SLC39A11: variants seen among roughly 807,000 people sequenced by gnomAD.
SLC39A11 encodes the protein solute carrier family 39 member 11, also known as zinc transporter ZIP11.
A neutral mutation model predicts 36.1 loss-of-function variants in SLC39A11; 33 were observed. That is an observed-to-expected ratio of 0.91 (90% CI 0.69 to 1.22). The LOEUF (loss-of-function observed/expected upper bound fraction) is 1.22. SLC39A11 is among the 50% of genes most tolerant of loss of function. SLC39A11 has a pLI of 0.00. For missense variants in SLC39A11, 432 were observed against 430.3 expected (o/e 1.00, Z -0.03); for synonymous variants, 166 against 170.3 (o/e 0.97, Z 0.20).
intron 6 of SLC39A11, among the ~76,000 whole-genome samples, chr17:72,795,768 C>A (rs1003280672): frequency 2.0e-4 from 30 of 152,218 alleles, no homozygotes; most frequent in African/African-American, 7.2e-4. Context: ...GTCACAGAGG[C>A]AATTAACCAA....
intron 4 of SLC39A11, among the ~76,000 whole-genome samples, chr17:72,970,356 C>T (rs569257741): frequency 4.6e-5 from 7 of 152,184 alleles, no homozygotes; most frequent in African/African-American, 7.2e-5. Context: ...TTATGTGAGC[C>T]GGGAAGCAAG....
intron 7 of SLC39A11, among the ~76,000 whole-genome samples, chr17:72,721,227 G>T (rs2073663858): frequency 6.6e-6 from 1 of 152,072 alleles, no homozygotes; most frequent in Non-Finnish European, 1.5e-5. Flanking sequence ...CTCCTGAGTA[G>T]GTGGGATTAC....
intron 3 of SLC39A11, among the ~76,000 whole-genome samples, chr17:73,079,504 T>G (rs1218803338): frequency 1.3e-5 from 2 of 152,118 alleles, no homozygotes; most frequent in Non-Finnish European, 2.9e-5. Context: ...CTTAAGGTAA[T>G]AAAAGTCATC....
chr17:73,084,876 C>T (rs2060668461), intron 2 of SLC39A11, 30 bp from the exon 3 acceptor site: 1 of 1,612,434 alleles, frequency 6.2e-7, no homozygotes, highest in Admixed American at 1.7e-5. Flanking sequence ...GTTTCAGTTT[C>T]CAAGAGACAA....
intron 7 of SLC39A11, among the ~76,000 whole-genome samples, chr17:72,690,543 G>C (rs1467175835): frequency 2.0e-5 from 3 of 152,184 alleles, no homozygotes; most frequent in Non-Finnish European, 4.4e-5. Flanking sequence ...ATCACCAAAA[G>C]GTGGAAACCA....
chr17:73,077,674 C>A (rs1393816089), intron 3 of SLC39A11, among the ~76,000 whole-genome samples: 2 of 152,180 alleles, frequency 1.3e-5, no homozygotes, highest in African/African-American at 4.8e-5. Flanking sequence ...GATAAATACA[C>A]ACACATAATC....
At chr17:73,070,690 G>A (rs931833769) in intron 3 of SLC39A11, among the ~76,000 whole-genome samples, 15 of 152,202 alleles carry the variant, frequency 9.9e-5, no homozygotes, top group Admixed American at 2.6e-4. Flanking sequence ...GGAGGGACCC[G>A]GTGGGAGGTA....
chr17:72,811,995 A>G (rs140398305), intron 6 of SLC39A11, among the ~76,000 whole-genome samples: 4 of 152,352 alleles, frequency 2.6e-5, no homozygotes, highest in African/African-American at 9.6e-5. Context: ...AAAAAATCCT[A>G]TCAGCAAAGC....
intron 5 of SLC39A11, among the ~76,000 whole-genome samples, chr17:72,906,320 A>G (rs1014501583): frequency 6.6e-6 from 1 of 152,264 alleles, no homozygotes; most frequent in African/African-American, 2.4e-5. Flanking sequence ...CCAGGAAGCC[A>G]GGCCAAGGAG....
chr17:72,916,402 T>C (rs1396100464), intron 5 of SLC39A11, among the ~76,000 whole-genome samples: 1 of 148,800 alleles, frequency 6.7e-6, no homozygotes, highest in African/African-American at 2.4e-5. Context: ...CAGCTGGGAG[T>C]CCTCAGGGCC....
chr17:72,722,233 C>T (rs575272088), intron 7 of SLC39A11, among the ~76,000 whole-genome samples: 3 of 152,124 alleles, frequency 2.0e-5, no homozygotes, highest in Non-Finnish European at 4.4e-5. Flanking sequence ...ACTCCCCTTC[C>T]CTCCCTGCCC....
intron 3 of SLC39A11, among the ~76,000 whole-genome samples, chr17:73,064,460 G>C (rs1399730991): frequency 1.3e-5 from 2 of 152,152 alleles, no homozygotes; most frequent in Non-Finnish European, 2.9e-5. Flanking sequence ...AGTCTCTGTG[G>C]AGCCTTGAGA....
chr17:73,012,661 C>G lies in SLC39A11; in HGVS notation c.306+18895G>C, dbSNP rs137950911. On this transcript the variant is annotated intron_variant, in intron 4 of 9. Coordinates refer to ENST00000255559, the MANE Select transcript of SLC39A11 (RefSeq NM_139177.4). ...TGTCACCCAGGTAGTCAGCACAGTA[C>G]CCAGTAGGTAGTTTTGCTGCCCTTG... is the stretch of plus-strand genomic sequence containing the variant. 1.5e-3 allele frequency among the ~76,000 whole-genome samples: 221 copies of G among 152,098 alleles called. 1 individual carries two copies. The highest frequency in any genetic ancestry group is 4.9e-3 in the African/African-American group (202 of 41,496).
In SLC39A11 at chr17:72,809,121, T is replaced by C. The variant is rs73998413; in HGVS notation, c.601+40513A>G. On this transcript the variant is annotated intron_variant, in intron 6 of 9. Coordinates refer to ENST00000255559, the MANE Select transcript of SLC39A11 (RefSeq NM_139177.4). The stretch of plus-strand genomic sequence containing the variant: ...GATCCTGCAGCAGAGTCCAGCAGTC[T>C]TTTCCTCTCTTCCCCGGAGGATATA... 4.8e-3 allele frequency among the ~76,000 whole-genome samples: 731 copies of C among 152,296 alleles called. 4 individuals are homozygous for C. Among genetic ancestry groups the C allele is most frequent in the African/African-American group, 0.017 (698 of 41,568 alleles).
intron 6 of SLC39A11, among the ~76,000 whole-genome samples, chr17:72,736,937 T>G (rs2116333): frequency 0.71 from 108,132 of 151,946 alleles, 39,227 homozygotes; most frequent in Non-Finnish European, 0.78. Flanking sequence ...TTTGTATTTT[T>G]TAAGTAATTG....
chr17:72,732,028 T>TTCTTC, intron 7 of SLC39A11, among the ~76,000 whole-genome samples: 1 of 74,164 alleles, frequency 1.3e-5, no homozygotes, highest in African/African-American at 4.1e-5. Context: ...CTTTATTTTT[T>TTCTTC]TCTTTTCTTT....
At chr17:72,666,700 T>G (rs2070771224) in intron 7 of SLC39A11, among the ~76,000 whole-genome samples, 1 of 152,202 alleles carries the variant, frequency 6.6e-6, no homozygotes, top group Non-Finnish European at 1.5e-5. Flanking sequence ...GTGATTGAAC[T>G]GCACGCCTAA....
intron 5 of SLC39A11, among the ~76,000 whole-genome samples, chr17:72,881,498 T>C (rs1022651190): frequency 2.0e-5 from 3 of 152,228 alleles, no homozygotes; most frequent in South Asian, 2.1e-4. Flanking sequence ...GTAAGTTTCT[T>C]TTCTGTAGGA....
chr17:72,968,324 C>G (rs1008973379), intron 4 of SLC39A11, among the ~76,000 whole-genome samples: 1 of 152,178 alleles, frequency 6.6e-6, no homozygotes, highest in Non-Finnish European at 1.5e-5. Flanking sequence ...AGAGCCGAGA[C>G]CAACTCACAG....
Sources: gnomAD v4.1 joint callset for allele counts (sites outside exome capture counted in the v4.1 genomes callset) on GRCh38, gnomAD v4.1.1 for gene constraint, MANE v1.5 for transcripts, NCBI Gene and HGNC (gene_info 2026-07-23, HGNC 2026-07-21) for gene names.